KCNB2: variants seen among roughly 807,000 people sequenced by gnomAD.
The protein encoded by KCNB2 is delayed rectifier potassium channel protein.
Under a neutral mutation model 61.5 loss-of-function variants are expected in KCNB2, and 15 were observed. The ratio of observed to expected loss-of-function variants is 0.24; its 90% CI spans 0.16 to 0.38. The LOEUF (loss-of-function observed/expected upper bound fraction) is 0.38. Ranked by LOEUF, KCNB2 falls within the 10% of genes least tolerant of loss-of-function variation. The pLI is 1.00. For synonymous variants in KCNB2, 457 were observed against 446.0 expected (o/e 1.02, Z -0.31); for missense variants, 828 against 1,125.2 (o/e 0.74, Z 3.78).
chr8:72,863,219 C>G (rs971425181), intron 2 of KCNB2, among the ~76,000 whole-genome samples: 5 of 152,142 alleles, frequency 3.3e-5, no homozygotes, highest in African/African-American at 1.2e-4. Context: ...AACAGCACTC[C>G]TACAGGGCTT....
intron 2 of KCNB2, among the ~76,000 whole-genome samples, chr8:72,581,910 T>G (rs1424543758): frequency 1.3e-5 from 2 of 152,200 alleles, no homozygotes; most frequent in Admixed American, 1.3e-4. Flanking sequence ...AGGTAAAGTG[T>G]AGCCTTTGTG....
intron 2 of KCNB2, among the ~76,000 whole-genome samples, chr8:72,738,161 T>A (rs1019132913): frequency 5.3e-5 from 8 of 152,180 alleles, no homozygotes; most frequent in African/African-American, 1.9e-4. Context: ...GTAAGAATTG[T>A]GTATTTTCTC....
chr8:72,797,287 C>A (rs1209706381), intron 2 of KCNB2, among the ~76,000 whole-genome samples: 1 of 152,178 alleles, frequency 6.6e-6, no homozygotes, highest in Non-Finnish European at 1.5e-5. Flanking sequence ...CTTCTGGAAA[C>A]GTACTATATA....
At chr8:72,674,674 G>A (rs1036014599) in intron 2 of KCNB2, among the ~76,000 whole-genome samples, 2 of 152,130 alleles carry the variant, frequency 1.3e-5, no homozygotes, top group Non-Finnish European at 2.9e-5. Flanking sequence ...TGTAGCCCTA[G>A]TATTTGGCAT....
chr8:72,683,110 C>T (rs1806789450), intron 2 of KCNB2, among the ~76,000 whole-genome samples: 1 of 152,142 alleles, frequency 6.6e-6, no homozygotes, highest in South Asian at 2.1e-4. Flanking sequence ...AGTGTTTATC[C>T]TGGCATAATG....
At chr8:72,842,724 A>T (rs556551931) in intron 2 of KCNB2, among the ~76,000 whole-genome samples, 1 of 152,208 alleles carries the variant, frequency 6.6e-6, no homozygotes, top group South Asian at 2.1e-4. Context: ...ATTTCTGTAG[A>T]GGTGTTTATA....
chr8:72,898,043 C>T (rs929649990), intron 2 of KCNB2, among the ~76,000 whole-genome samples: 23 of 152,102 alleles, frequency 1.5e-4, no homozygotes, highest in Non-Finnish European at 1.8e-4. Flanking sequence ...AGCCCTTGAA[C>T]CCTGGGAAAT....
chr8:72,796,051 C>T (rs1809026529), intron 2 of KCNB2, among the ~76,000 whole-genome samples: 1 of 152,156 alleles, frequency 6.6e-6, no homozygotes, highest in African/African-American at 2.4e-5. Context: ...AGTAAAGCTC[C>T]TTTCTTACAT....
chr8:72,908,731 G>A lies in KCNB2; in HGVS notation c.580-27204G>A, dbSNP rs530402406. Among the ~76,000 whole-genome samples the A allele has an allele frequency of 4.1e-4, 63 of 152,326 alleles. 1 individual carries two copies. The South Asian group carries it at 0.012, about 29-fold the overall frequency. ...GCTGCAGAGCAGCAGGAGCGCAGGA[G>A]CTGAGTCAGAGCACCTCACACATCC... On this transcript the variant is annotated intron_variant, in intron 2 of 2. Transcript: ENST00000523207.
chr8:72,819,486 T>G lies in KCNB2; in HGVS notation c.580-116449T>G, dbSNP rs371808367. 1.6e-4 allele frequency among the ~76,000 whole-genome samples: 24 copies of G among 152,310 alleles called. No homozygotes were observed. The East Asian group carries it at 1.7e-3, about 11-fold the overall frequency. ...ACCTTTGTTGTAGCAAGTTGAATAA[T>G]CCTTCTGGGACTACAGGTGTGTTTC... On this transcript the variant is annotated intron_variant, in intron 2 of 2. Transcript: ENST00000523207.
intron 2 of KCNB2, among the ~76,000 whole-genome samples, chr8:72,868,613 CA>C (rs1277383687): frequency 1.3e-5 from 2 of 151,122 alleles, no homozygotes; most frequent in Admixed American, 6.6e-5. Flanking sequence ...CAAAACAAAC[CA>C]AAAAAAACCC....
chr8:72,583,588 T>A (rs1460340694), intron 2 of KCNB2, among the ~76,000 whole-genome samples: 1 of 152,160 alleles, frequency 6.6e-6, no homozygotes, highest in African/African-American at 2.4e-5. Flanking sequence ...GGCTTTTGCC[T>A]TTTTTCCCTG....
At chr8:72,781,921 G>A (rs1329895249) in intron 2 of KCNB2, among the ~76,000 whole-genome samples, 1 of 152,028 alleles carries the variant, frequency 6.6e-6, no homozygotes, top group East Asian at 1.9e-4. Context: ...TGAGAACACA[G>A]GGTCATAGGG....
intron 2 of KCNB2, among the ~76,000 whole-genome samples, chr8:72,665,981 G>A (rs552216058): frequency 3.3e-5 from 5 of 152,366 alleles, no homozygotes; most frequent in South Asian, 4.1e-4. Flanking sequence ...GGCTCCCCAT[G>A]TCCCCTGGGA....
At chr8:72,858,914 T>A (rs17188891) in intron 2 of KCNB2, among the ~76,000 whole-genome samples, 44,243 of 152,130 alleles carry the variant, frequency 0.29, 6,561 homozygotes, top group South Asian at 0.41. Flanking sequence ...CTCTGTTTGC[T>A]GTGCCATTTA....
chr8:72,657,605 T>G (rs1014691311), intron 2 of KCNB2, among the ~76,000 whole-genome samples: 16 of 152,270 alleles, frequency 1.1e-4, no homozygotes, highest in Admixed American at 8.5e-4. Flanking sequence ...AACAGTCTCC[T>G]AAGAAATACA....
At chr8:72,614,312 C>T (rs1429381032) in intron 2 of KCNB2, among the ~76,000 whole-genome samples, 1 of 152,102 alleles carries the variant, frequency 6.6e-6, no homozygotes, top group Non-Finnish European at 1.5e-5. Context: ...ATATTAGTTT[C>T]TACCATTGAA....
chr8:72,674,811 A>G (rs1339029534), intron 2 of KCNB2, among the ~76,000 whole-genome samples: 2 of 152,230 alleles, frequency 1.3e-5, no homozygotes, highest in African/African-American at 4.8e-5. Flanking sequence ...AAGCCTTCAA[A>G]GGAAGTTCAG....
chr8:72,575,939 C>T (rs1220756236), intron 2 of KCNB2, among the ~76,000 whole-genome samples: 4 of 152,082 alleles, frequency 2.6e-5, no homozygotes, highest in African/African-American at 4.8e-5. Flanking sequence ...CTTTCTGGCC[C>T]TACCTGACAT....
Sources: gnomAD v4.1 joint callset for allele counts (sites outside exome capture counted in the v4.1 genomes callset) on GRCh38, gnomAD v4.1.1 for gene constraint, MANE v1.5 for transcripts, NCBI Gene and HGNC (gene_info 2026-07-23, HGNC 2026-07-21) for gene names.